Variants in ZFPL1 observed in about 807,000 individuals in gnomAD.
The protein encoded by ZFPL1 is zinc finger protein like 1, also known as zinc finger protein-like 1.
In ZFPL1, 28 loss-of-function variants were observed where a neutral mutation model predicts 32.0. The observed-to-expected ratio is 0.87, with a 90% confidence interval of 0.65 to 1.20. ZFPL1 has a LOEUF of 1.20. Among genes scored for constraint, ZFPL1 ranks in the 50% most tolerant of loss-of-function variants. The pLI, the probability that ZFPL1 is intolerant of heterozygous loss-of-function variation, is 0.00. For synonymous variants in ZFPL1, 165 were observed against 177.0 expected, an observed-to-expected ratio of 0.93 and a Z score of 0.54; for missense variants, 386 against 424.8, an observed-to-expected ratio of 0.91 and a Z score of 0.80.
At chr11:65,084,504 G>A in intron 1 of ZFPL1, 126 bp downstream of exon 1, 1 of 608,150 alleles carries the variant, frequency 1.6e-6, no homozygotes, top group Non-Finnish European at 2.9e-6. Flanking sequence ...GAAGGATTGA[G>A]GGGTCGCCGG....
At chr11:65,084,667 T>A (rs375861012) in intron 1 of ZFPL1, 24 bp from the exon 2 acceptor site, 2 of 1,610,280 alleles carry the variant, frequency 1.2e-6, no homozygotes, top group African/African-American at 2.7e-5. Flanking sequence ...CCTGACTTCC[T>A]ACCAACTCAT....
At position 65,088,079 on chromosome 11, in the gene ZFPL1, C is replaced by G; in HGVS notation, c.898C>G (p.Leu300Val). Residue 300 changes from leucine (L) to valine (V), a missense_variant, in exon 8 of 8, where the codon CTC becomes GTC. Transcript: ENST00000294258. ...TGACAGCGATCCCAACCTGGACCCACTCATGAACCCTCACATCCGCGTGGG... is the reference window on the plus strand; with the variant it reads ...TGACAGCGATCCCAACCTGGACCCAGTCATGAACCCTCACATCCGCGTGGG... ...AADSDPNLDPLMNPHIRVGPS is the reference protein window; with the variant it reads ...AADSDPNLDPVMNPHIRVGPS The G allele has an allele frequency of 6.2e-7, 1 of 1,611,618 alleles. No individual in the cohort carries two copies. The highest frequency in any genetic ancestry group is 8.5e-7 in the Non-Finnish European group (1 of 1,179,660).
At position 65,084,234 on chromosome 11, in the gene ZFPL1, G is replaced by C; in HGVS notation, c.-153G>C. 1 of 582,198 alleles carries C rather than the reference G, an allele frequency of 1.7e-6. No individual in the cohort carries two copies. Among genetic ancestry groups the C allele is most frequent in the Middle Eastern group, 4.5e-4 (1 of 2,202 alleles). 36.1% of individuals were successfully genotyped at this position (582,198 alleles called of 1,614,324 possible). On this transcript the variant is annotated 5_prime_UTR_variant, in exon 1 of 8. Coordinates refer to ENST00000294258, the MANE Select transcript of ZFPL1 (RefSeq NM_006782.4). ...CGCCGCACCCGGAAGAGACGTGGCA[G>C]CGGAGGGATAATCGGGGCGGCCGGG...
chr11:65,087,881 G>A, intron 7 of ZFPL1, 47 bp from the exon 8 acceptor site: 2 of 1,511,502 alleles, frequency 1.3e-6, no homozygotes, highest in Non-Finnish European at 8.7e-7. Context: ...AGCCGCGGGG[G>A]CCACCAGGGA....
At chr11:65,084,938 A>C in intron 2 of ZFPL1, 138 bp downstream of exon 2, 1 of 1,126,640 alleles carries the variant, frequency 8.9e-7, no homozygotes, top group Non-Finnish European at 1.3e-6. Flanking sequence ...GTTCACTGAT[A>C]TATCCCCCGT....
chr11:65,086,407 G>A lies in ZFPL1; in HGVS notation c.215-8G>A, dbSNP rs1327855077. On this transcript the variant is annotated splice_region_variant and splice_polypyrimidine_tract_variant and intron_variant, in intron 3 of 7. Coordinates refer to ENST00000294258, the MANE Select transcript of ZFPL1 (RefSeq NM_006782.4). ...ATGTCTCTTCTCCCCTGTCTCATGG[G>A]CCCTAAGATCTCTTTCACTGGGCCT... 6.2e-7 allele frequency: 1 copy of A among 1,614,028 alleles called. No individual in the cohort carries two copies. Among genetic ancestry groups the A allele is most frequent in the Non-Finnish European group, 8.5e-7 (1 of 1,180,028 alleles).
intron 3 of ZFPL1, chr11:65,085,521 C>T: frequency 2.2e-6 from 1 of 461,590 alleles, no homozygotes; most frequent in Non-Finnish European, 4.0e-6. Flanking sequence ...ATGCTGGTGG[C>T]CGTGACTATT....
rs764814935 is a variant in ZFPL1 at position 65,085,172 on chromosome 11, C to A, written c.160C>A (p.Arg54Ser). 1 of 1,614,142 alleles carries A rather than the reference C, an allele frequency of 6.2e-7. No homozygotes were observed. Among genetic ancestry groups the A allele is most frequent in the Non-Finnish European group, 8.5e-7 (1 of 1,180,026 alleles). Residue 54 changes from arginine (R) to serine (S), a missense_variant, in exon 3 of 8, where the codon CGC becomes AGC. Arg to Ser is a moderately radical substitution (Grantham distance 110). Coordinates refer to ENST00000294258, the MANE Select transcript of ZFPL1 (RefSeq NM_006782.4). ...AGATAGCGACTACAACCCCAATTGC[C>A]GCCTGTGCAACATACCCCTGGCCAG... ...LQDSDYNPNC[R>S]LCNIPLASRE... is the part of the protein sequence containing the mutation.
At chr11:65,085,470 C>G (rs1565297466) in intron 3 of ZFPL1, 1 of 543,494 alleles carries the variant, frequency 1.8e-6, no homozygotes, top group Non-Finnish European at 3.3e-6. Context: ...TAAGCCCTGC[C>G]AATCTGGAGG....
chr11:65,086,234 T>C, intron 3 of ZFPL1, 181 bp from the exon 4 acceptor site: 1 of 850,954 alleles, frequency 1.2e-6, no homozygotes, highest in South Asian at 1.6e-5. Flanking sequence ...AGCACCTGCC[T>C]GGACTTAGAT....
At chr11:65,085,023 C>T (rs935027470) in intron 2 of ZFPL1, 92 bp from the exon 3 acceptor site, 23 of 1,280,518 alleles carry the variant, frequency 1.8e-5, no homozygotes, top group South Asian at 4.8e-5. Context: ...GGATGAGTCT[C>T]CTCTGTGGCT....
In ZFPL1 at chr11:65,084,335, T is replaced by G; in HGVS notation, c.-52T>G. The stretch of plus-strand genomic sequence containing the variant: ...GCGCCTCGAGCCATCGCTACCGCCC[T>G]TCGGAACCAGTGCAGCGGCCGATCA... On this transcript the variant is annotated 5_prime_UTR_variant, in exon 1 of 8. Coordinates refer to ENST00000294258, the MANE Select transcript of ZFPL1 (RefSeq NM_006782.4). 2.0e-6 allele frequency: 1 copy of G among 511,942 alleles called. No individual in the cohort carries two copies. 31.7% of individuals were successfully genotyped at this position (511,942 alleles called of 1,614,324 possible).
At chr11:65,086,828 G>C (rs1482045697) in intron 5 of ZFPL1, 36 bp downstream of exon 5, 1 of 1,614,188 alleles carries the variant, frequency 6.2e-7, no homozygotes, top group Non-Finnish European at 8.5e-7. Flanking sequence ...TTGGGCTTTA[G>C]CCTCCCTGCT....
intron 7 of ZFPL1, 80 bp downstream of exon 7, chr11:65,087,513 T>A: frequency 7.2e-7 from 1 of 1,388,916 alleles, no homozygotes; most frequent in Non-Finnish European, 1.0e-6. Context: ...AGGGATGGTT[T>A]CATGACAAAA....
Position 65,086,435 on chromosome 11 carries a change from C to G in ZFPL1, c.235C>G (p.Leu79Val). 1 of 1,614,156 alleles carries G rather than the reference C, an allele frequency of 6.2e-7. No homozygotes were observed. Among genetic ancestry groups the G allele is most frequent in the Non-Finnish European group, 8.5e-7 (1 of 1,180,040 alleles). The stretch of plus-strand genomic sequence containing the variant: ...CTAAGATCTCTTTCACTGGGCCTGC[C>G]TCAATGAACGTGCTGCCCAGCTACC... ...VCYDLFHWACLNERAAQLPRN... is the reference protein window; with the variant it reads ...VCYDLFHWACVNERAAQLPRN... Residue 79 changes from leucine (L) to valine (V), a missense_variant, in exon 4 of 8, where the codon CTC becomes GTC. Coordinates refer to ENST00000294258, the MANE Select transcript of ZFPL1 (RefSeq NM_006782.4).
chr11:65,085,073 A>G, intron 2 of ZFPL1, 42 bp from the exon 3 acceptor site: 2 of 1,584,472 alleles, frequency 1.3e-6, no homozygotes, highest in African/African-American at 2.7e-5. Context: ...TGATAGGCCG[A>G]GCAGCCCCAG....
chr11:65,084,819 C>T lies in ZFPL1; in HGVS notation c.102+19C>T. The T allele has an allele frequency of 2.5e-6, 4 of 1,613,540 alleles. No individual in the cohort carries two copies. The highest frequency in any genetic ancestry group is 1.1e-5 in the South Asian group (1 of 91,070). On this transcript the variant is annotated intron_variant, in intron 2 of 7. Transcript: ENST00000294258. ...CGCCAAGGTGGGGCCTTCAGGGGAG[C>T]GACTGAGCAGGGCACTGGGTGGGCA...
Position 65,085,144 on chromosome 11 carries a change from C to T in ZFPL1, c.132C>T (p.Leu44=). The change falls in exon 3 of 8, where the codon CTC becomes CTT. Residue 44 remains leucine, a synonymous_variant. Transcript: ENST00000294258. ...TCGTCCAGTCCTACCTGCAATGGCTCCAAGATAGCGACTACAACCCCAATT... is the reference window on the plus strand; with the variant it reads ...TCGTCCAGTCCTACCTGCAATGGCTTCAAGATAGCGACTACAACCCCAATT... The part of the protein sequence containing the change: ...KCIVQSYLQW[L]QDSDYNPNCR... The T allele has an allele frequency of 6.2e-7, 1 of 1,614,194 alleles. No homozygotes were observed. Among genetic ancestry groups the T allele is most frequent in the South Asian group, 1.1e-5 (1 of 91,086 alleles).
At chr11:65,085,403 C>A in intron 3 of ZFPL1, 177 bp downstream of exon 3, 1 of 632,248 alleles carries the variant, frequency 1.6e-6, no homozygotes, top group Non-Finnish European at 2.9e-6. Context: ...TTCTTCCTTT[C>A]TAGGCCTCAC....
Sources: allele counts gnomAD v4.1 joint callset, GRCh38; gene constraint gnomAD v4.1.1; transcripts MANE v1.5; gene names NCBI Gene and HGNC (gene_info 2026-07-23, HGNC 2026-07-21).